The following HELZ variants were observed in gnomAD, a reference collection of about 807,000 sequenced individuals.
HELZ encodes helicase with zinc finger.
HELZ carries 23 observed loss-of-function variants against 218.2 expected under a neutral mutation model. The ratio of observed to expected loss-of-function variants is 0.11; its 90% confidence interval spans 0.08 to 0.15. HELZ has a LOEUF of 0.15. Ranked by LOEUF, HELZ falls within the 10% of genes least tolerant of loss-of-function variation. HELZ has a pLI of 1.00. For missense variants in HELZ, 1,813 were observed against 2,353.7 expected (o/e 0.77, Z 4.75); for synonymous variants, 814 against 829.4 (o/e 0.98, Z 0.32).
At chr17:67,169,418 T>C (rs1243933239) in intron 13 of HELZ, among the ~76,000 whole-genome samples, 2 of 152,100 alleles carry the variant, frequency 1.3e-5, no homozygotes, top group Non-Finnish European at 2.9e-5. Flanking sequence ...GGCACGAAAG[T>C]GTGAGCAAAA....
chr17:67,205,417 C>T lies in HELZ; in HGVS notation c.248-1974G>A, dbSNP rs543246886. On this transcript the variant is annotated intron_variant, in intron 5 of 32. Transcript: ENST00000358691. ...TAAGCCTATTTCCTCCCCTATCAAA[C>T]GGAGGTGACAGTAGCTACTTCATAA... is the stretch of plus-strand genomic sequence containing the variant. Among the ~76,000 whole-genome samples, 3 of 151,952 alleles carry T rather than the reference C, an allele frequency of 2.0e-5. No homozygotes were observed. The South Asian group carries it at 6.2e-4, about 32-fold the overall frequency.
intron 16 of HELZ, 23 bp from the exon 17 acceptor site, chr17:67,160,385 T>A: frequency 6.7e-7 from 1 of 1,499,922 alleles, no homozygotes. Flanking sequence ...ATGGTGCAAA[T>A]AAAAAGAATG....
chr17:67,242,065 C>A (rs1182298705), intron 2 of HELZ, among the ~76,000 whole-genome samples: 1 of 152,218 alleles, frequency 6.6e-6, no homozygotes, highest in Non-Finnish European at 1.5e-5. Context: ...ACAAACATCT[C>A]CACAGTCAAA....
intron 32 of HELZ, 47 bp downstream of exon 32, chr17:67,086,782 G>A (rs771999647): frequency 7.5e-6 from 12 of 1,594,010 alleles, no homozygotes; most frequent in African/African-American, 1.4e-5. Flanking sequence ...ACAGATATCC[G>A]GGAGCTGAGG....
intron 3 of HELZ, among the ~76,000 whole-genome samples, chr17:67,231,583 ACT>A (rs1381355492): frequency 6.9e-6 from 1 of 144,342 alleles, no homozygotes; most frequent in Non-Finnish European, 1.5e-5. Flanking sequence ...ACAGAGCCAG[ACT>A]CTGTCGGAAA....
At chr17:67,118,396 A>T (rs900764570) in intron 27 of HELZ, among the ~76,000 whole-genome samples, 1 of 152,198 alleles carries the variant, frequency 6.6e-6, no homozygotes, top group Non-Finnish European at 1.5e-5. Flanking sequence ...TTAATGTAAG[A>T]GCTAAAAACT....
In HELZ at chr17:67,073,605, T is replaced by C. The variant is rs755274835; in HGVS notation, c.*4647A>G. 6.6e-6 allele frequency: 1 copy of C among 152,210 alleles called. No individual in the cohort carries two copies. The highest frequency in any genetic ancestry group is 6.5e-5 in the Admixed American group (1 of 15,286). 9.4% of individuals were successfully genotyped at this position (152,210 alleles called of 1,614,324 possible). On this transcript the variant is annotated 3_prime_UTR_variant, in exon 33 of 33. Coordinates refer to ENST00000358691, the MANE Select transcript of HELZ (RefSeq NM_014877.4). ...CATTTCTAAGTCTAGATTCTTCTAT[T>C]AGGTACCTCCCTCCAAAAAATTTTT...
intron 8 of HELZ, among the ~76,000 whole-genome samples, chr17:67,195,019 G>A (rs2039987558): frequency 6.6e-6 from 1 of 152,308 alleles, no homozygotes; most frequent in South Asian, 2.1e-4. Context: ...GGTGAGAGGA[G>A]AGGAGATCAC....
chr17:67,215,321 T>G (rs1260198036), intron 5 of HELZ, among the ~76,000 whole-genome samples: 1 of 152,022 alleles, frequency 6.6e-6, no homozygotes, highest in African/African-American at 2.4e-5. Context: ...TTCTTAAACT[T>G]TGGCCCTTGT....
chr17:67,192,151 G>A (rs1034353856), intron 9 of HELZ, among the ~76,000 whole-genome samples: 3 of 152,054 alleles, frequency 2.0e-5, no homozygotes, highest in South Asian at 2.1e-4. Flanking sequence ...GCAGTAAGCC[G>A]AGATCATGCC....
At chr17:67,106,967 G>A (rs2037122426) in intron 31 of HELZ, among the ~76,000 whole-genome samples, 1 of 152,160 alleles carries the variant, frequency 6.6e-6, no homozygotes, top group South Asian at 2.1e-4. Flanking sequence ...CTTTTAAGGG[G>A]CTTCATGTTT....
At chr17:67,134,716 A>AT (rs1245023269) in intron 23 of HELZ, among the ~76,000 whole-genome samples, 4 of 152,088 alleles carry the variant, frequency 2.6e-5, no homozygotes, top group African/African-American at 4.8e-5. Context: ...ACAAAAATAG[A>AT]TAATAAAGTG....
Position 67,114,326 on chromosome 17 carries a change from G to T in HELZ, c.3916C>A (p.Gln1306Lys), listed in dbSNP as rs2037366793. The stretch of plus-strand genomic sequence containing the variant: ...AACACAGTAACTAAGCAGCATACCT[G>T]TTTTGGTTCTGTTGGCTTTTTCTCT... ...TPEKKPTEPK[Q>K]VDLESNPQNR... The change falls in exon 28 of 33, where the codon CAG becomes AAG. Residue 1306 changes from glutamine (Q) to lysine (K), a missense_variant and splice_region_variant. Around this residue, in one of 4 missense-constraint regions of HELZ, gnomAD observed 938 missense variants for 1,027.5 expected, o/e 0.91. Coordinates refer to ENST00000358691, the MANE Select transcript of HELZ (RefSeq NM_014877.4). 2 of 1,599,722 alleles carry T rather than the reference G, an allele frequency of 1.3e-6. No individual in the cohort carries two copies. The highest frequency in any genetic ancestry group is 2.2e-5 in the South Asian group (2 of 90,772).
At position 67,073,350 on chromosome 17, in the gene HELZ, T is replaced by G. The variant is rs1246507367; in HGVS notation, c.*4902A>C. ...AGACTCCCCACGAACATAATGAAAA[T>G]TTCATAATATTGTTTAATGAACTCA... On this transcript the variant is annotated 3_prime_UTR_variant, in exon 33 of 33. Transcript: ENST00000358691. The G allele has an allele frequency of 6.6e-6, 1 of 152,548 alleles. No individual in the cohort carries two copies. The highest frequency in any genetic ancestry group is 2.1e-4 in the South Asian group (1 of 4,826). The allele number at this position is 152,548 out of a possible 1,614,324, so 9.4% of individuals were successfully genotyped here. A position where few individuals can be genotyped will look rare whatever the true frequency, so the allele number is the denominator to read the frequency against.
At chr17:67,152,211 A>G (rs2038705787) in intron 17 of HELZ, among the ~76,000 whole-genome samples, 1 of 152,210 alleles carries the variant, frequency 6.6e-6, no homozygotes, top group South Asian at 2.1e-4. Flanking sequence ...TAAAACTGTC[A>G]TGGTAATTTC....
intron 32 of HELZ, among the ~76,000 whole-genome samples, chr17:67,081,089 T>C (rs546962225): frequency 6.6e-6 from 1 of 152,350 alleles, no homozygotes; most frequent in South Asian, 2.1e-4. Flanking sequence ...AGCTTGAAGA[T>C]AAGCCACTTG....
At chr17:67,088,260 A>G (rs2036453508) in intron 31 of HELZ, among the ~76,000 whole-genome samples, 1 of 152,184 alleles carries the variant, frequency 6.6e-6, no homozygotes, top group South Asian at 2.1e-4. Context: ...AGCAAATGAT[A>G]AATCTGCTGT....
chr17:67,146,333 G>A (rs1386557075), intron 20 of HELZ, among the ~76,000 whole-genome samples: 2 of 152,084 alleles, frequency 1.3e-5, no homozygotes, highest in Non-Finnish European at 2.9e-5. Flanking sequence ...TCCATGTTTA[G>A]ATATACAAAT....
Position 67,109,182 on chromosome 17 carries a change from G to A in HELZ, c.4423C>T (p.Leu1475Phe), listed in dbSNP as rs1402469633. The A allele has an allele frequency of 1.2e-6, 2 of 1,613,998 alleles. No individual in the cohort carries two copies. The highest frequency in any genetic ancestry group is 1.3e-5 in the African/African-American group (1 of 74,922). ...LRAIAQPGPI[L>F]PSHLNSFIDE... ...ATGAAGCTATTCAGATGTGAAGGAA[G>A]AATGGGGCCGGGTTGTGCAATGGCT... is the stretch of plus-strand genomic sequence containing the variant. Residue 1475 changes from leucine to phenylalanine, a missense_variant, in exon 29 of 33, where the codon CTT (leucine) becomes TTT (phenylalanine). This residue lies in a region of HELZ where 938 missense variants were observed against 1,027.5 expected (regional missense o/e 0.91). Coordinates refer to ENST00000358691, the MANE Select transcript of HELZ (RefSeq NM_014877.4).
Sources: allele counts gnomAD v4.1 joint callset (sites outside exome capture counted in the v4.1 genomes callset), GRCh38; gene constraint gnomAD v4.1.1; regional missense constraint gnomAD v4.1.1; transcripts MANE v1.5; gene names NCBI Gene and HGNC (gene_info 2026-07-23, HGNC 2026-07-21).